Variants in DENND4C observed in about 807,000 individuals in gnomAD.
The protein encoded by DENND4C is DENN domain-containing protein 4C.
Under a neutral mutation model 203.0 loss-of-function variants are expected in DENND4C, and 108 were observed. The observed-to-expected ratio is 0.53, with a 90% confidence interval of 0.46 to 0.62. The LOEUF is 0.62. DENND4C is among the 20% of genes least tolerant of loss of function. The probability of loss-of-function intolerance (pLI) is 0.00; values close to 1 mark genes in which losing one functional copy is unlikely to be tolerated. For synonymous variants in DENND4C, 871 were observed against 792.4 expected (o/e 1.10, Z -1.67); for missense variants, 2,481 against 2,301.2 (o/e 1.08, Z -1.60).
At chr9:19,280,176 A>G (rs1367431812) in intron 2 of DENND4C, among the ~76,000 whole-genome samples, 2 of 110,806 alleles carry the variant, frequency 1.8e-5, no homozygotes, top group African/African-American at 6.8e-5. Context: ...TTTTTTGGAC[A>G]GAGTCTCGCT....
chr9:19,307,809 A>T (rs1455038158), intron 10 of DENND4C, among the ~76,000 whole-genome samples: 1 of 151,550 alleles, frequency 6.6e-6, no homozygotes, highest in African/African-American at 2.4e-5. Flanking sequence ...AATAAATCTG[A>T]AATCCCTAGA....
rs1419277333 is a variant in DENND4C at position 19,373,087 on chromosome 9, A to G, written c.*914A>G. The G allele has an allele frequency of 6.6e-6, 1 of 152,198 alleles. No homozygotes were observed. The highest frequency in any genetic ancestry group is 1.5e-5 in the Non-Finnish European group (1 of 68,030). 9.4% of individuals were successfully genotyped at this position (152,198 alleles called of 1,614,324 possible). On this transcript the variant is annotated 3_prime_UTR_variant, in exon 33 of 33. Transcript: ENST00000434457. ...CTTAAAATTACCTGAAAATCTGATG[A>G]CAGCTGCCTTCCCTAACTTTAATGT...
intron 9 of DENND4C, among the ~76,000 whole-genome samples, chr9:19,302,534 C>T (rs983130944): frequency 6.6e-6 from 1 of 151,862 alleles, no homozygotes; most frequent in Admixed American, 6.6e-5. Context: ...TGTAACATAC[C>T]TTTTGTTGAA....
At chr9:19,253,560 G>A (rs1827185402) in intron 1 of DENND4C, among the ~76,000 whole-genome samples, 1 of 152,186 alleles carries the variant, frequency 6.6e-6, no homozygotes, top group Admixed American at 6.5e-5. Flanking sequence ...TTGCTTAAAT[G>A]TAGCAAATAG....
chr9:19,360,056 TTTAAC>T (rs1348193702), intron 28 of DENND4C, among the ~76,000 whole-genome samples, 183 bp from the exon 29 acceptor site: 1 of 152,232 alleles, frequency 6.6e-6, no homozygotes, highest in Non-Finnish European at 1.5e-5. Context: ...TTTGTAATGA[TTTAAC>T]TTAACAGTAT....
intron 5 of DENND4C, chr9:19,292,636 C>G (rs1235358766): frequency 6.6e-6 from 1 of 151,412 alleles, no homozygotes; most frequent in Non-Finnish European, 1.5e-5. Flanking sequence ...ACCTCCGCCT[C>G]CCGGGTTCAA....
intron 1 of DENND4C, among the ~76,000 whole-genome samples, chr9:19,232,058 G>C (rs1032080072): frequency 6.6e-6 from 1 of 152,150 alleles, no homozygotes; most frequent in Non-Finnish European, 1.5e-5. Flanking sequence ...GCAAAAGGAA[G>C]TTTTCATCTT....
intron 1 of DENND4C, among the ~76,000 whole-genome samples, chr9:19,246,780 T>C (rs966316167): frequency 1.3e-5 from 2 of 152,176 alleles, no homozygotes; most frequent in Admixed American, 6.6e-5. Context: ...CCCTGTATTA[T>C]TTTTCCTGGC....
intron 17 of DENND4C, among the ~76,000 whole-genome samples, chr9:19,334,398 AAT>A (rs1167131426): frequency 6.6e-6 from 1 of 152,174 alleles, no homozygotes; most frequent in Non-Finnish European, 1.5e-5. Context: ...TATGAGGAGT[AAT>A]AGTCTTTCTC....
intron 10 of DENND4C, among the ~76,000 whole-genome samples, chr9:19,315,168 A>G (rs1326780899): frequency 2.0e-5 from 3 of 151,286 alleles, no homozygotes; most frequent in Non-Finnish European, 4.4e-5. Context: ...AAAAAAAAAA[A>G]AAAAGAAAAG....
intron 16 of DENND4C, 51 bp downstream of exon 16, chr9:19,328,213 T>C: frequency 6.6e-7 from 1 of 1,513,226 alleles, no homozygotes; most frequent in Non-Finnish European, 9.0e-7. Context: ...AAAATATGTA[T>C]ATGTGATATG....
In DENND4C at chr9:19,358,112, T is replaced by C; in HGVS notation, c.5112T>C (p.Phe1704=). The C allele has an allele frequency of 6.2e-7, 1 of 1,613,932 alleles. No homozygotes were observed. The highest frequency in any genetic ancestry group is 8.5e-7 in the Non-Finnish European group (1 of 1,179,826). The part of the protein sequence containing the change: ...LQNIDFTQRP[F]HGISTVSLPN... ...ATATTGACTTTACCCAGCGACCGTTTCATGGCATCTCAACAGTTAGTCTTC... is the reference window on the plus strand; with the variant it reads ...ATATTGACTTTACCCAGCGACCGTTCCATGGCATCTCAACAGTTAGTCTTC... The change falls in exon 28 of 33, where the codon TTT becomes TTC. Residue 1704 remains phenylalanine, a synonymous_variant. Transcript: ENST00000434457. This position sits in a 1 kb window ranked among gnomAD's most constrained non-coding sequence, Gnocchi z 4.8.
chr9:19,313,827 G>T (rs1841221066), intron 10 of DENND4C, among the ~76,000 whole-genome samples: 1 of 152,082 alleles, frequency 6.6e-6, no homozygotes, highest in African/African-American at 2.4e-5. Context: ...CCCATTAGTT[G>T]GCAGGCATAT....
chr9:19,348,622 T>C (rs902723943), intron 23 of DENND4C, among the ~76,000 whole-genome samples: 2 of 152,164 alleles, frequency 1.3e-5, no homozygotes, highest in African/African-American at 4.8e-5. Flanking sequence ...TATAAGACTT[T>C]TATACCATTT....
intron 21 of DENND4C, 114 bp downstream of exon 21, chr9:19,341,228 C>T (rs1821556962): frequency 1.2e-6 from 1 of 849,598 alleles, no homozygotes; most frequent in Non-Finnish European, 1.7e-6. Context: ...TAAGGTCTGG[C>T]TCCTAAGATG....
chr9:19,336,211 G>T (rs933192145), intron 18 of DENND4C, 59 bp from the exon 19 acceptor site: 2 of 1,508,232 alleles, frequency 1.3e-6, no homozygotes, highest in Non-Finnish European at 1.8e-6. Flanking sequence ...ATATATGTAT[G>T]TATTTTTAAA....
intron 6 of DENND4C, among the ~76,000 whole-genome samples, chr9:19,297,211 A>G (rs1399370525): frequency 6.6e-6 from 1 of 152,226 alleles, no homozygotes; most frequent in Non-Finnish European, 1.5e-5. Flanking sequence ...CTTTTACATT[A>G]TAGCAGAAAG....
In DENND4C at chr9:19,360,471, T is replaced by G; in HGVS notation, c.5388T>G (p.His1796Gln). 1 of 1,614,112 alleles carries G rather than the reference T, an allele frequency of 6.2e-7. No individual in the cohort carries two copies. The highest frequency in any genetic ancestry group is 8.5e-7 in the Non-Finnish European group (1 of 1,180,006). Residue 1796 changes from histidine (H) to glutamine (Q), a missense_variant, in exon 29 of 33, where the codon CAT (histidine) becomes CAG (glutamine). His to Gln is a conservative substitution (Grantham distance 24). This residue lies in a region of DENND4C where 2,289 missense variants were observed against 2,113.3 expected (regional missense o/e 1.08). Transcript: ENST00000434457. ...CAGGACTTATCCTCACATCTGAACA[T>G]TGTAATGAAGGTGTACAGGTAGGGT... ...NLPGLILTSE[H>Q]CNEGVQLPLS...
At position 19,299,253 on chromosome 9, in the gene DENND4C, T is replaced by C; in HGVS notation, c.1132T>C (p.Leu378=). Residue 378 remains leucine (L), a synonymous_variant, in exon 8 of 33, where the codon TTA becomes CTA. Coordinates refer to ENST00000434457, the MANE Select transcript of DENND4C (RefSeq NM_001330640.2). The part of the protein sequence containing the change: ...VQLSVHDALI[L]SQPVSTPLPL... ...GCTGTCAGTCCATGATGCATTAATA[T>C]TATCACAGCCAGTTTCTACACCTTT... is the stretch of plus-strand genomic sequence containing the variant. 6.3e-7 allele frequency: 1 copy of C among 1,587,372 alleles called. No homozygotes were observed. The highest frequency in any genetic ancestry group is 8.6e-7 in the Non-Finnish European group (1 of 1,169,566).
Sources: gnomAD v4.1 joint callset for allele counts (sites outside exome capture counted in the v4.1 genomes callset) on GRCh38, gnomAD v4.1.1 for gene constraint, gnomAD v4.1.1 regional missense constraint, Gnocchi (gnomAD v3.1) non-coding constraint, MANE v1.5 for transcripts, NCBI Gene and HGNC (gene_info 2026-07-23, HGNC 2026-07-21) for gene names.